B4GALT5: variants seen among roughly 807,000 people sequenced by gnomAD.
B4GALT5 encodes beta-1,4-galactosyltransferase 5.
A neutral mutation model predicts 45.0 loss-of-function variants in B4GALT5; 11 were observed. The observed-to-expected ratio is 0.24, with a 90% CI of 0.15 to 0.40. B4GALT5 has a LOEUF of 0.40. B4GALT5 is among the 10% of genes least tolerant of loss of function. The pLI, the probability that B4GALT5 is intolerant of heterozygous loss-of-function variation, is 1.00. For missense variants in B4GALT5, 337 were observed against 500.2 expected (o/e 0.67, Z 3.11); for synonymous variants, 185 against 182.9 (o/e 1.01, Z -0.09).
chr20:49,656,777 G>T, intron 1 of B4GALT5, 75 bp from the exon 2 acceptor site: 1 of 1,573,082 alleles, frequency 6.4e-7, no homozygotes, highest in South Asian at 1.2e-5. Context: ...CATAGCTATG[G>T]ATTTTTTTTT....
At chr20:49,658,519 T>C (rs764400985) in intron 1 of B4GALT5, among the ~76,000 whole-genome samples, 30 of 152,326 alleles carry the variant, frequency 2.0e-4, no homozygotes, top group Middle Eastern at 3.4e-3. Flanking sequence ...ATTGTATTTA[T>C]TGAAAATCTT....
chr20:49,687,603 C>T (rs563628150), intron 1 of B4GALT5, among the ~76,000 whole-genome samples: 2 of 152,170 alleles, frequency 1.3e-5, no homozygotes, highest in South Asian at 2.1e-4. Flanking sequence ...AAGATTGCAC[C>T]ACTGCACTCC....
intron 2 of B4GALT5, among the ~76,000 whole-genome samples, chr20:49,655,508 A>G (rs2085639042): frequency 6.6e-6 from 1 of 152,220 alleles, no homozygotes; most frequent in Non-Finnish European, 1.5e-5. Flanking sequence ...ATCCTTAGTA[A>G]GATGAAATCT....
Position 49,713,562 on chromosome 20 carries a change from A to G in B4GALT5, c.115+14T>C, listed in dbSNP as rs775735643. On this transcript the variant is annotated intron_variant, in intron 1 of 8. Coordinates refer to ENST00000371711, the MANE Select transcript of B4GALT5 (RefSeq NM_004776.4). ...CAGAGCGGCAGCCGCCGCGGTCCCA[A>G]GCCCCCTTCCTACCTATGCCGGGCG... 27 of 1,560,416 alleles carry G rather than the reference A, an allele frequency of 1.7e-5. No homozygotes were observed. Among genetic ancestry groups the G allele is most frequent in the South Asian group, 1.1e-4 (9 of 85,342 alleles).
intron 1 of B4GALT5, 96 bp downstream of exon 1, chr20:49,713,480 C>G: frequency 7.8e-7 from 1 of 1,282,312 alleles, no homozygotes; most frequent in South Asian, 1.3e-5. Flanking sequence ...GGCTCAGGGC[C>G]GCCTCCCGGC....
chr20:49,712,796 G>A (rs544687386), intron 1 of B4GALT5, among the ~76,000 whole-genome samples: 25 of 149,160 alleles, frequency 1.7e-4, no homozygotes, highest in African/African-American at 6.2e-4. Flanking sequence ...GGGGGGCTGG[G>A]GGCAAAGGTG....
chr20:49,643,692 G>T, intron 3 of B4GALT5, 42 bp from the exon 4 acceptor site: 1 of 1,591,256 alleles, frequency 6.3e-7, no homozygotes, highest in Non-Finnish European at 8.6e-7. Context: ...GTCAGAAAAT[G>T]ATAGGTTTCC....
At chr20:49,650,995 A>G (rs2085620271) in intron 2 of B4GALT5, among the ~76,000 whole-genome samples, 1 of 152,306 alleles carries the variant, frequency 6.6e-6, no homozygotes, top group Non-Finnish European at 1.5e-5. Context: ...CTGCTTTTAC[A>G]TTTAGAAAAT....
chr20:49,673,234 G>T (rs2085723395), intron 1 of B4GALT5, among the ~76,000 whole-genome samples: 1 of 152,086 alleles, frequency 6.6e-6, no homozygotes, highest in Admixed American at 6.6e-5. Flanking sequence ...ACAAAAATTA[G>T]CTGGGCGTGG....
chr20:49,645,314 C>T (rs552830491), intron 3 of B4GALT5, among the ~76,000 whole-genome samples: 179 of 152,268 alleles, frequency 1.2e-3, no homozygotes, highest in African/African-American at 4.0e-3. Flanking sequence ...ATGGCATATA[C>T]GGTGGTTGCA....
intron 1 of B4GALT5, among the ~76,000 whole-genome samples, chr20:49,705,182 C>T (rs1437655140): frequency 6.6e-6 from 1 of 152,154 alleles, no homozygotes; most frequent in Non-Finnish European, 1.5e-5. Flanking sequence ...TAACATCCAA[C>T]TACCTAGAGG....
chr20:49,660,197 G>C (rs2085659709), intron 1 of B4GALT5, among the ~76,000 whole-genome samples: 2 of 152,194 alleles, frequency 1.3e-5, no homozygotes, highest in African/African-American at 2.4e-5. Flanking sequence ...ACTTGACAAA[G>C]AGTTGTGACC....
At chr20:49,708,930 TCA>T (rs1491494784) in intron 1 of B4GALT5, among the ~76,000 whole-genome samples, 2 of 44,926 alleles carry the variant, frequency 4.5e-5, no homozygotes, top group Admixed American at 3.9e-4. Context: ...AGACTCCATC[TCA>T]AAAAAAAAAA....
intron 5 of B4GALT5, among the ~76,000 whole-genome samples, chr20:49,641,561 G>A (rs892430886): frequency 2.6e-5 from 4 of 152,128 alleles, no homozygotes; most frequent in Non-Finnish European, 5.9e-5. Context: ...ACTTAGGACC[G>A]GCAGATAGAC....
At chr20:49,649,366 C>T (rs2085611779) in intron 2 of B4GALT5, among the ~76,000 whole-genome samples, 1 of 152,072 alleles carries the variant, frequency 6.6e-6, no homozygotes, top group Admixed American at 6.6e-5. Flanking sequence ...ATTGCCTGAG[C>T]CCAGGAGGCC....
intron 1 of B4GALT5, among the ~76,000 whole-genome samples, chr20:49,697,300 C>T (rs536641986): frequency 9.2e-5 from 14 of 152,372 alleles, no homozygotes; most frequent in African/African-American, 3.4e-4. Context: ...TCAAGCGCAG[C>T]GGCGCCTTTG....
intron 1 of B4GALT5, 42 bp from the exon 2 acceptor site, chr20:49,656,744 C>T: frequency 6.2e-7 from 1 of 1,610,962 alleles, no homozygotes; most frequent in Non-Finnish European, 8.5e-7. Context: ...GATTCAGAAG[C>T]AATCATTTAA....
chr20:49,689,336 T>C (rs1235380740), intron 1 of B4GALT5, among the ~76,000 whole-genome samples: 1 of 152,216 alleles, frequency 6.6e-6, no homozygotes, highest in Non-Finnish European at 1.5e-5. Context: ...CACTCTCTTA[T>C]CAATCTCAAA....
At chr20:49,702,981 G>A (rs915431324) in intron 1 of B4GALT5, among the ~76,000 whole-genome samples, 1 of 151,880 alleles carries the variant, frequency 6.6e-6, no homozygotes, top group African/African-American at 2.4e-5. Context: ...AGACCATCCT[G>A]GCTGACACGA....
Sources: allele counts gnomAD v4.1 joint callset (sites outside exome capture counted in the v4.1 genomes callset), GRCh38; gene constraint gnomAD v4.1.1; transcripts MANE v1.5; gene names NCBI Gene and HGNC (gene_info 2026-07-23, HGNC 2026-07-21).